The following ZNF766 variants were observed in gnomAD, a reference collection of about 807,000 sequenced individuals.
The protein encoded by ZNF766 is zinc finger protein 766.
ZNF766 carries 13 observed loss-of-function variants against 13.2 expected under a neutral mutation model. The ratio of observed to expected loss-of-function variants is 0.98; its 90% CI spans 0.64 to 1.56. The LOEUF is 1.56. Among genes scored for constraint, ZNF766 ranks in the 40% most tolerant of loss-of-function variants. The pLI, the probability that ZNF766 is intolerant of heterozygous loss-of-function variation, is 0.00. For missense variants in ZNF766, 521 were observed against 552.2 expected (o/e 0.94, Z 0.57); for synonymous variants, 178 against 187.6 (o/e 0.95, Z 0.42).
At position 52,272,147 on chromosome 19, in the gene ZNF766, G is replaced by C. The variant is rs538326190; in HGVS notation, c.18+2516G>C. ...ACACTAAAATCTTGTTTATATTTCTGTCTTCAGTCTTGCCTCCAGTTCTTG... is the reference window on the plus strand; with the variant it reads ...ACACTAAAATCTTGTTTATATTTCTCTCTTCAGTCTTGCCTCCAGTTCTTG... On this transcript the variant is annotated intron_variant, in intron 1 of 3. Coordinates refer to ENST00000439461, the MANE Select transcript of ZNF766 (RefSeq NM_001010851.3). Among the ~76,000 whole-genome samples, 315 of 152,150 alleles carry C rather than the reference G, an allele frequency of 2.1e-3. 1 individual carries two copies. The highest frequency in any genetic ancestry group is 7.2e-3 in the African/African-American group (299 of 41,516).
At chr19:52,271,222 GTGTTT>G (rs1446040643) in intron 1 of ZNF766, among the ~76,000 whole-genome samples, 2 of 152,178 alleles carry the variant, frequency 1.3e-5, no homozygotes, top group Middle Eastern at 3.2e-3. Context: ...ATAGAGGAGT[GTGTTT>G]TGGAAACCGT....
intron 2 of ZNF766, 37 bp from the exon 3 acceptor site, chr19:52,283,248 C>T: frequency 1.3e-6 from 2 of 1,599,464 alleles, no homozygotes; most frequent in Non-Finnish European, 1.7e-6. Flanking sequence ...ATTTTGGAGA[C>T]ATCACAGCAC....
At chr19:52,274,253 C>G (rs1981097291) in intron 1 of ZNF766, among the ~76,000 whole-genome samples, 1 of 152,026 alleles carries the variant, frequency 6.6e-6, no homozygotes, top group South Asian at 2.1e-4. Flanking sequence ...TCTTCAAGAC[C>G]CTTATATAAA....
chr19:52,276,801 T>G (rs540640848), intron 1 of ZNF766, among the ~76,000 whole-genome samples: 27 of 152,346 alleles, frequency 1.8e-4, no homozygotes, highest in African/African-American at 6.3e-4. Context: ...TGTTCTCATT[T>G]CTGAAGGCTG....
intron 1 of ZNF766, among the ~76,000 whole-genome samples, chr19:52,274,177 A>AAC (rs1224615211): frequency 1.3e-5 from 2 of 152,072 alleles, no homozygotes; most frequent in Non-Finnish European, 2.9e-5. Flanking sequence ...CCCCCTGTAT[A>AAC]GTCATCCCTC....
Position 52,292,298 on chromosome 19 carries a change from G to A in ZNF766, c.*1100G>A. The A allele has an allele frequency of 4.6e-6, 3 of 651,720 alleles. No individual in the cohort carries two copies. Among genetic ancestry groups the A allele is most frequent in the Non-Finnish European group, 8.3e-6 (3 of 363,522 alleles). The allele number at this position is 651,720 out of a possible 1,614,324, so 40.4% of individuals were successfully genotyped here. The stretch of plus-strand genomic sequence containing the variant: ...GATTTAGAGACCATGGAGGTGGACA[G>A]AGAATAACAAAACCGTGATGGCAGT... On this transcript the variant is annotated 3_prime_UTR_variant, in exon 4 of 4. Coordinates refer to ENST00000439461, the MANE Select transcript of ZNF766 (RefSeq NM_001010851.3).
chr19:52,283,960 T>A (rs1043718904), intron 3 of ZNF766, among the ~76,000 whole-genome samples: 4 of 152,168 alleles, frequency 2.6e-5, no homozygotes, highest in African/African-American at 7.2e-5. Context: ...ATGGTCTCAA[T>A]CTCTTGACCT....
intron 1 of ZNF766, among the ~76,000 whole-genome samples, chr19:52,274,096 A>G (rs1981088440): frequency 6.6e-6 from 1 of 152,254 alleles, no homozygotes; most frequent in African/African-American, 2.4e-5. Flanking sequence ...CCTTCTGAGC[A>G]GGATGATACA....
Position 52,292,312 on chromosome 19 carries a change from C to T in ZNF766, c.*1114C>T, listed in dbSNP as rs865948544. ...GGAGGTGGACAGAGAATAACAAAAC[C>T]GTGATGGCAGTCATCATGCTTATTG... On this transcript the variant is annotated 3_prime_UTR_variant, in exon 4 of 4. Transcript: ENST00000439461. 6 of 637,842 alleles carry T rather than the reference C, an allele frequency of 9.4e-6. No individual in the cohort carries two copies. The highest frequency in any genetic ancestry group is 5.1e-5 in the Admixed American group (2 of 39,292). The allele number at this position is 637,842 out of a possible 1,614,324, so 39.5% of individuals were successfully genotyped here. A position where few individuals can be genotyped will look rare whatever the true frequency, so the allele number is the denominator to read the frequency against.
intron 3 of ZNF766, 110 bp from the exon 4 acceptor site, chr19:52,289,956 G>A (rs550507812): frequency 7.9e-5 from 87 of 1,105,616 alleles, no homozygotes; most frequent in South Asian, 4.3e-4. Flanking sequence ...ATCCGAGATC[G>A]TGCCACTGCA....
In ZNF766 at chr19:52,282,146, C is replaced by T; in HGVS notation, c.54C>T (p.Phe18=). ...HLTFRDVAIE[F]SQEEWKCLDP... Reference sequence around the variant, plus strand: ...CATTCAGGGACGTGGCCATAGAATTCTCTCAGGAGGAGTGGAAATGCCTGG... The same window carrying T: ...CATTCAGGGACGTGGCCATAGAATTTTCTCAGGAGGAGTGGAAATGCCTGG... The change falls in exon 2 of 4, where the codon TTC becomes TTT. Residue 18 remains phenylalanine, a synonymous_variant. Transcript: ENST00000439461. 1 of 1,605,276 alleles carries T rather than the reference C, an allele frequency of 6.2e-7. No individual in the cohort carries two copies.
intron 1 of ZNF766, among the ~76,000 whole-genome samples, chr19:52,278,896 ATTG>A (rs1371953067): frequency 2.6e-5 from 4 of 152,240 alleles, no homozygotes; most frequent in African/African-American, 7.2e-5. Context: ...TCACTTGTCA[ATTG>A]TTGTTTTTGT....
At chr19:52,274,149 T>C in intron 1 of ZNF766, among the ~76,000 whole-genome samples, 1 of 152,284 alleles carries the variant, frequency 6.6e-6, no homozygotes. Flanking sequence ...ACTTGAATCA[T>C]CTCTTTGTCC....
At chr19:52,284,215 T>G (rs1441150059) in intron 3 of ZNF766, among the ~76,000 whole-genome samples, 1 of 152,214 alleles carries the variant, frequency 6.6e-6, no homozygotes, top group East Asian at 1.9e-4. Context: ...AAGGAGTCCC[T>G]TTTCCCTGTG....
Position 52,291,086 on chromosome 19 carries a change from T to A in ZNF766, c.1295T>A (p.Ile432Asn), listed in dbSNP as rs200169605. 3.0e-4 allele frequency: 487 copies of A among 1,614,016 alleles called. No individual in the cohort carries two copies. The highest frequency in any genetic ancestry group is 3.9e-4 in the Non-Finnish European group (462 of 1,180,006). The change falls in exon 4 of 4, where the codon ATC (isoleucine) becomes AAC (asparagine). Residue 432 changes from isoleucine (I) to asparagine (N), a missense_variant. By Grantham distance (149) the Ile-to-Asn change is moderately radical. Coordinates refer to ENST00000439461, the MANE Select transcript of ZNF766 (RefSeq NM_001010851.3). ...TCACACCTTGCAAATCATCAGAGAA[T>A]CCACACTGGAGAGAAACCTTACAAA... is the stretch of plus-strand genomic sequence containing the variant. ...QNSHLANHQR[I>N]HTGEKPYKCH...
Position 52,290,306 on chromosome 19 carries a change from C to T in ZNF766, c.515C>T (p.Pro172Leu), listed in dbSNP as rs755942328. 2.5e-6 allele frequency: 4 copies of T among 1,613,602 alleles called. No homozygotes were observed. Among genetic ancestry groups the T allele is most frequent in the Non-Finnish European group, 3.4e-6 (4 of 1,179,786 alleles). The change falls in exon 4 of 4, where the codon CCA becomes CTA. Residue 172 changes from proline (P) to leucine (L), a missense_variant. Coordinates refer to ENST00000439461, the MANE Select transcript of ZNF766 (RefSeq NM_001010851.3). ...NKHRNDFVDF[P>L]LLSQEQKAHI... ...CATAGGAATGATTTTGTTGATTTTC[C>T]ATTGCTGTCACAAGAACAGAAAGCA...
At chr19:52,276,106 A>C (rs993685725) in intron 1 of ZNF766, among the ~76,000 whole-genome samples, 1 of 152,214 alleles carries the variant, frequency 6.6e-6, no homozygotes, top group African/African-American at 2.4e-5. Context: ...TATTATATAT[A>C]CCAGATGTGT....
At chr19:52,281,938 T>C (rs746411381) in intron 1 of ZNF766, 173 bp from the exon 2 acceptor site, 1 of 754,540 alleles carries the variant, frequency 1.3e-6, no homozygotes, top group Non-Finnish European at 2.2e-6. Flanking sequence ...TGGAAAAGTA[T>C]AATAAAACTC....
Position 52,292,063 on chromosome 19 carries a change from C to G in ZNF766, c.*865C>G. The stretch of plus-strand genomic sequence containing the variant: ...TTGTACTCCAGCTTGGGTGACAGAG[C>G]GAGACCCTGTCTCAAAAGAAAAAAA... On this transcript the variant is annotated 3_prime_UTR_variant, in exon 4 of 4. Coordinates refer to ENST00000439461, the MANE Select transcript of ZNF766 (RefSeq NM_001010851.3). The G allele has an allele frequency of 1.5e-6, 1 of 683,478 alleles. No homozygotes were observed. The highest frequency in any genetic ancestry group is 2.7e-6 in the Non-Finnish European group (1 of 376,666). The allele number at this position is 683,478 out of a possible 1,614,324, so 42.3% of individuals were successfully genotyped here. A position where few individuals can be genotyped will look rare whatever the true frequency, so the allele number is the denominator to read the frequency against.
Sources: gnomAD v4.1 joint callset for allele counts (sites outside exome capture counted in the v4.1 genomes callset) on GRCh38, gnomAD v4.1.1 for gene constraint, MANE v1.5 for transcripts, NCBI Gene and HGNC (gene_info 2026-07-23, HGNC 2026-07-21) for gene names.